Variants in EML5 observed in about 807,000 individuals in gnomAD.
EML5 encodes echinoderm microtubule-associated protein-like 5.
Under a neutral mutation model 250.0 loss-of-function variants are expected in EML5, and 120 were observed. The observed-to-expected ratio is 0.48, with a 90% CI of 0.41 to 0.56. The LOEUF is 0.56. Ranked by LOEUF, EML5 falls within the 20% of genes least tolerant of loss-of-function variation. The pLI is 0.00. For synonymous variants in EML5, 771 were observed against 806.5 expected, an observed-to-expected ratio of 0.96 and a Z score of 0.75; for missense variants, 2,006 against 2,437.6, an observed-to-expected ratio of 0.82 and a Z score of 3.73.
At chr14:88,788,800 G>T (rs1895876441) in intron 1 of EML5, among the ~76,000 whole-genome samples, 1 of 151,802 alleles carries the variant, frequency 6.6e-6, no homozygotes, top group Non-Finnish European at 1.5e-5. Context: ...GCTCACATCT[G>T]TAATCCCAAC....
rs2088102712 is a variant in EML5 at position 88,618,330 on chromosome 14, A to C, written c.5540T>G (p.Val1847Gly). 1 of 1,613,176 alleles carries C rather than the reference A, an allele frequency of 6.2e-7. No individual in the cohort carries two copies. Among genetic ancestry groups the C allele is most frequent in the Non-Finnish European group, 8.5e-7 (1 of 1,179,598 alleles). ...ATGCCGTTTATAGCAGCCACTAGAGACCTTTTTCATCAGATTAAAATGGGA... is the reference window on the plus strand; with the variant it reads ...ATGCCGTTTATAGCAGCCACTAGAGCCCTTTTTCATCAGATTAAAATGGGA... Reference protein sequence around the residue: ...DFSADSSYLQVSSGCYKRHVY... With the variant: ...DFSADSSYLQGSSGCYKRHVY... Residue 1847 changes from valine to glycine, a missense_variant and splice_region_variant, in exon 41 of 44, where the codon GTC (valine) becomes GGC (glycine). Transcript: ENST00000554922.
At chr14:88,711,386 A>G (rs755749478) in intron 10 of EML5, among the ~76,000 whole-genome samples, 4 of 66,082 alleles carry the variant, frequency 6.1e-5, no homozygotes, top group Non-Finnish European at 9.9e-5. Flanking sequence ...GCAGTTCAGC[A>G]TGGCTGGGGA....
intron 13 of EML5, among the ~76,000 whole-genome samples, chr14:88,703,465 GA>G (rs2093257701): frequency 6.6e-6 from 1 of 152,066 alleles, no homozygotes; most frequent in African/African-American, 2.4e-5. Context: ...CCTCATCCAA[GA>G]CAAAGTAGTC....
rs1297703546 is a variant in EML5 at position 88,681,936 on chromosome 14, A to T, written c.3078T>A (p.Asp1026Glu). 1 of 1,613,342 alleles carries T rather than the reference A, an allele frequency of 6.2e-7. No homozygotes were observed. Among genetic ancestry groups the T allele is most frequent in the East Asian group, 2.2e-5 (1 of 44,828 alleles). Reference sequence around the variant, plus strand: ...CCAACATACAATGACTAGGTGAGAGATCCCATATTCTTAAGGTTTTATCAT... The same window carrying T: ...CCAACATACAATGACTAGGTGAGAGTTCCCATATTCTTAAGGTTTTATCAT... ...VSDDKTLRIW[D>E]LSPSHCMLAV... is the part of the protein sequence containing the mutation. The change falls in exon 21 of 44, where the codon GAT becomes GAA. Residue 1026 changes from aspartate to glutamate, a missense_variant. By Grantham distance (45) the Asp-to-Glu change is conservative. This residue lies in a region of EML5 where 1,375 missense variants were observed against 1,590.3 expected (regional missense o/e 0.86). Coordinates refer to ENST00000554922, the MANE Select transcript of EML5 (RefSeq NM_183387.3).
Position 88,615,630 on chromosome 14 carries a change from C to T in EML5, c.*188G>A, listed in dbSNP as rs1468187486. 2.1e-5 allele frequency: 12 copies of T among 560,600 alleles called. No homozygotes were observed. Among genetic ancestry groups the T allele is most frequent in the Admixed American group, 7.0e-5 (2 of 28,400 alleles). The allele number at this position is 560,600 out of a possible 1,614,324, so 34.7% of individuals were successfully genotyped here. ...GCATTATCTGGCAGTGTATGGATTACGGATTATACCCAGTGCATATAGCAA... is the reference window on the plus strand; with the variant it reads ...GCATTATCTGGCAGTGTATGGATTATGGATTATACCCAGTGCATATAGCAA... On this transcript the variant is annotated 3_prime_UTR_variant, in exon 44 of 44. Transcript: ENST00000554922.
At chr14:88,723,474 T>C (rs149124111) in intron 8 of EML5, among the ~76,000 whole-genome samples, 83 of 152,264 alleles carry the variant, frequency 5.5e-4, no homozygotes, top group African/African-American at 1.9e-3. Flanking sequence ...GAGATGTTGG[T>C]TAAAGAGTAC....
At position 88,694,427 on chromosome 14, in the gene EML5, G is replaced by A. The variant is rs2093029638; in HGVS notation, c.2439-20C>T. ...CTTCCTCTGAAATAAACATCGAAAT[G>A]TTTTAGCTCTGAAGATTCATCATTC... On this transcript the variant is annotated intron_variant, in intron 16 of 43. Coordinates refer to ENST00000554922, the MANE Select transcript of EML5 (RefSeq NM_183387.3). 3 of 1,470,224 alleles carry A rather than the reference G, an allele frequency of 2.0e-6. No individual in the cohort carries two copies. The highest frequency in any genetic ancestry group is 2.0e-5 in the Admixed American group (1 of 48,806). The allele number at this position is 1,470,224 out of a possible 1,614,324, so 91.1% of individuals were successfully genotyped here.
At chr14:88,724,386 A>G (rs1434846023) in intron 8 of EML5, among the ~76,000 whole-genome samples, 1 of 152,150 alleles carries the variant, frequency 6.6e-6, no homozygotes, top group Non-Finnish European at 1.5e-5. Context: ...ATGGATTAAG[A>G]AGACCATTTT....
intron 25 of EML5, among the ~76,000 whole-genome samples, chr14:88,659,318 C>G (rs2091989701): frequency 1.3e-5 from 2 of 151,800 alleles, no homozygotes; most frequent in Admixed American, 6.6e-5. Flanking sequence ...TCAAGCGATT[C>G]TTCTACCTCA....
chr14:88,737,245 T>G (rs2093855427), intron 6 of EML5, among the ~76,000 whole-genome samples: 1 of 152,218 alleles, frequency 6.6e-6, no homozygotes, highest in Non-Finnish European at 1.5e-5. Flanking sequence ...TGGGCAGGAC[T>G]GAAAGAGCTA....
At chr14:88,623,374 G>T (rs2089400966) in intron 36 of EML5, 1 of 151,988 alleles carries the variant, frequency 6.6e-6, no homozygotes, top group African/African-American at 2.4e-5. Flanking sequence ...AAGGATAATG[G>T]AAATGTAAGG....
At chr14:88,751,642 C>T (rs1409061426) in intron 2 of EML5, among the ~76,000 whole-genome samples, 2 of 151,844 alleles carry the variant, frequency 1.3e-5, no homozygotes, top group East Asian at 3.9e-4. Context: ...CCACTGTTAG[C>T]TGATATGGAA....
In EML5 at chr14:88,736,373, C is replaced by G; in HGVS notation, c.1040G>C (p.Arg347Pro). ...TTTATAATTTGCTTACCTGACCGAACGATCATCACTTCCAGTCACAGCCAA... is the reference window on the plus strand; with the variant it reads ...TTTATAATTTGCTTACCTGACCGAAGGATCATCACTTCCAGTCACAGCCAA... ...KPLAVTGSDD[R>P]SVRIWSLVDH... The change falls in exon 7 of 44, where the codon CGT becomes CCT. Residue 347 changes from arginine to proline, a missense_variant. Physicochemically the swap from Arg to Pro is moderately radical, Grantham distance 103. This residue lies in a region of EML5 where 1,375 missense variants were observed against 1,590.3 expected (regional missense o/e 0.86). Coordinates refer to ENST00000554922, the MANE Select transcript of EML5 (RefSeq NM_183387.3). 6.2e-7 allele frequency: 1 copy of G among 1,613,960 alleles called. No homozygotes were observed. The highest frequency in any genetic ancestry group is 8.5e-7 in the Non-Finnish European group (1 of 1,179,874).
chr14:88,746,173 G>C lies in EML5; in HGVS notation c.456+12C>G. 6.2e-7 allele frequency: 1 copy of C among 1,601,726 alleles called. No individual in the cohort carries two copies. Among genetic ancestry groups the C allele is most frequent in the Middle Eastern group, 1.7e-4 (1 of 6,018 alleles). Reference sequence around the variant, plus strand: ...CCAGTACTCATTAGAAATCTCAAAAGAGAATACTTACTCTATCTGTATGAC... The same window carrying C: ...CCAGTACTCATTAGAAATCTCAAAACAGAATACTTACTCTATCTGTATGAC... On this transcript the variant is annotated intron_variant, in intron 3 of 43. Coordinates refer to ENST00000554922, the MANE Select transcript of EML5 (RefSeq NM_183387.3).
chr14:88,684,202 T>C, intron 20 of EML5, among the ~76,000 whole-genome samples: 1 of 149,362 alleles, frequency 6.7e-6, no homozygotes, highest in South Asian at 2.2e-4. Flanking sequence ...AACAGTTGTA[T>C]TTATAACAGC....
At chr14:88,644,263 A>G (rs1012094856) in intron 30 of EML5, among the ~76,000 whole-genome samples, 170 bp downstream of exon 30, 3 of 152,212 alleles carry the variant, frequency 2.0e-5, no homozygotes, top group Non-Finnish European at 4.4e-5. Flanking sequence ...AAAAATTAAG[A>G]GAAACAGAGA....
intron 1 of EML5, among the ~76,000 whole-genome samples, chr14:88,773,254 T>C (rs964689420): frequency 2.0e-5 from 3 of 152,192 alleles, no homozygotes; most frequent in African/African-American, 7.2e-5. Flanking sequence ...AGGTTCCCTG[T>C]GAGTGAGCAT....
chr14:88,773,467 A>G, intron 1 of EML5, among the ~76,000 whole-genome samples: 1 of 152,222 alleles, frequency 6.6e-6, no homozygotes, highest in South Asian at 2.1e-4. Flanking sequence ...CATATAACGC[A>G]TAATAGTAAA....
intron 27 of EML5, among the ~76,000 whole-genome samples, chr14:88,655,115 G>T (rs1264638517): frequency 2.0e-5 from 3 of 151,950 alleles, no homozygotes; most frequent in Admixed American, 1.3e-4. Flanking sequence ...TTTCCTCACA[G>T]AATTGAACTA....
Sources: allele counts gnomAD v4.1 joint callset (sites outside exome capture counted in the v4.1 genomes callset), GRCh38; gene constraint gnomAD v4.1.1; regional missense constraint gnomAD v4.1.1; transcripts MANE v1.5; gene names NCBI Gene and HGNC (gene_info 2026-07-23, HGNC 2026-07-21).